The following NRXN3 variants were observed in gnomAD, a reference collection of about 807,000 sequenced individuals.
NRXN3 encodes the protein neurexin 3, also known as neurexin III.
In NRXN3, 32 loss-of-function variants were observed where a neutral mutation model predicts 137.6. That is an observed-to-expected ratio of 0.23 (90% CI 0.18 to 0.31). NRXN3 has a LOEUF of 0.31. NRXN3 is among the 10% of genes least tolerant of loss of function. NRXN3 has a pLI of 1.00. For synonymous variants in NRXN3, 798 were observed against 784.5 expected (o/e 1.02, Z -0.29); for missense variants, 1,574 against 2,062.5 (o/e 0.76, Z 4.59).
At chr14:78,915,380 G>GA (rs943169654) in intron 10 of NRXN3, among the ~76,000 whole-genome samples, 1 of 38,782 alleles carries the variant, frequency 2.6e-5, no homozygotes, top group Non-Finnish European at 5.6e-5. Flanking sequence ...AAACCACACA[G>GA]AAAAAAAACA....
rs543365093 is a variant in NRXN3, at chr14:78,716,078, G to C, written c.2044+939G>C. On this transcript the variant is annotated intron_variant, in intron 8 of 20. Transcript: ENST00000335750. Reference sequence around the variant, plus strand: ...GGTGGGGAGGAGGGGCATGAGAGGGGACCAAAGAGATGAGGGCTGACCCTG... The same window carrying C: ...GGTGGGGAGGAGGGGCATGAGAGGGCACCAAAGAGATGAGGGCTGACCCTG... 3.3e-5 allele frequency among the ~76,000 whole-genome samples: 5 copies of C among 152,204 alleles called. No homozygotes were observed. In the East Asian group the frequency reaches 9.7e-4, roughly 30 times the overall value.
At chr14:79,726,669 T>C (rs993446600) in intron 19 of NRXN3, among the ~76,000 whole-genome samples, 8 of 152,174 alleles carry the variant, frequency 5.3e-5, no homozygotes, top group African/African-American at 1.9e-4. Flanking sequence ...GGTACTATTA[T>C]TTCCCCAGTT....
intron 10 of NRXN3, among the ~76,000 whole-genome samples, chr14:78,846,451 C>T (rs200871024): frequency 6.6e-6 from 1 of 152,090 alleles, no homozygotes; most frequent in East Asian, 1.9e-4. Context: ...ATCTCTGCTG[C>T]TGTTATGGGA....
At chr14:79,087,130 T>C (rs1277163554) in intron 15 of NRXN3, among the ~76,000 whole-genome samples, 1 of 152,172 alleles carries the variant, frequency 6.6e-6, no homozygotes, top group Non-Finnish European at 1.5e-5. Context: ...CCTTGGAACA[T>C]GGGCCATACA....
chr14:79,117,009 A>G (rs912911268), intron 15 of NRXN3, among the ~76,000 whole-genome samples: 1 of 152,246 alleles, frequency 6.6e-6, no homozygotes, highest in Non-Finnish European at 1.5e-5. Context: ...AATAATTGAC[A>G]TACCTTTATC....
intron 16 of NRXN3, among the ~76,000 whole-genome samples, chr14:79,601,076 ACT>A (rs1166215538): frequency 8.9e-6 from 1 of 112,744 alleles, no homozygotes; most frequent in Non-Finnish European, 1.6e-5. Context: ...ATGGAGTCTC[ACT>A]CTGTCACCAC....
chr14:79,280,622 A>G (rs1275702674), intron 15 of NRXN3: 1 of 1,289,552 alleles, frequency 7.8e-7, no homozygotes, highest in African/African-American at 1.5e-5. Context: ...CAAAGGTGGG[A>G]AGGGAATTTA....
intron 15 of NRXN3, among the ~76,000 whole-genome samples, chr14:79,065,563 A>T (rs954067922): frequency 2.0e-5 from 3 of 152,122 alleles, no homozygotes; most frequent in African/African-American, 7.2e-5. Context: ...GCCACAAACC[A>T]GGTGGCTTAA....
At chr14:79,819,732 C>A (rs372565092) in intron 20 of NRXN3, among the ~76,000 whole-genome samples, 2 of 151,984 alleles carry the variant, frequency 1.3e-5, no homozygotes, top group Non-Finnish European at 2.9e-5. Context: ...ATTTGCCCCC[C>A]TCGGCCTCCC....
At chr14:79,384,008 C>T (rs1017954715) in intron 15 of NRXN3, among the ~76,000 whole-genome samples, 2 of 152,020 alleles carry the variant, frequency 1.3e-5, no homozygotes, top group Non-Finnish European at 2.9e-5. Flanking sequence ...CTCTTAGCTG[C>T]GAAATCAAGT....
At chr14:79,049,177 A>G (rs993456906) in intron 15 of NRXN3, among the ~76,000 whole-genome samples, 3 of 150,494 alleles carry the variant, frequency 2.0e-5, no homozygotes, top group Non-Finnish European at 4.4e-5. Flanking sequence ...GTTTGATAGC[A>G]TTTTACCCAA....
At chr14:78,369,214 A>G (rs1414056993) in intron 4 of NRXN3, among the ~76,000 whole-genome samples, 1 of 152,096 alleles carries the variant, frequency 6.6e-6, no homozygotes, top group Non-Finnish European at 1.5e-5. Context: ...GCTCAGAGAG[A>G]TTAAATCATA....
intron 15 of NRXN3, among the ~76,000 whole-genome samples, chr14:79,091,245 A>G (rs980278094): frequency 6.6e-6 from 1 of 152,086 alleles, no homozygotes; most frequent in African/African-American, 2.4e-5. Context: ...AAAAACTTTG[A>G]CCATGGAAAA....
Position 79,697,956 on chromosome 14 carries a change from A to G in NRXN3, c.4014+19A>G, listed in dbSNP as rs781015201. 1.9e-6 allele frequency: 3 copies of G among 1,596,100 alleles called. No homozygotes were observed. The highest frequency in any genetic ancestry group is 2.6e-6 in the Non-Finnish European group (3 of 1,165,870). ...CATTCAGGTAGGCCTTTTTCCAAGTATTAATTGCGTCTGTATTTTTATCTT... is the reference window on the plus strand; with the variant it reads ...CATTCAGGTAGGCCTTTTTCCAAGTGTTAATTGCGTCTGTATTTTTATCTT... On this transcript the variant is annotated intron_variant, in intron 19 of 20. Coordinates refer to ENST00000335750, the MANE Select transcript of NRXN3 (RefSeq NM_001330195.2).
intron 4 of NRXN3, among the ~76,000 whole-genome samples, chr14:78,565,227 C>A (rs2096826330): frequency 6.6e-6 from 1 of 152,108 alleles, no homozygotes. Context: ...CTTTTGGTGC[C>A]AATCTATTCA....
chr14:79,598,590 A>G (rs1202691198), intron 16 of NRXN3, among the ~76,000 whole-genome samples: 1 of 152,246 alleles, frequency 6.6e-6, no homozygotes, highest in African/African-American at 2.4e-5. Flanking sequence ...TCCGCTATCC[A>G]CAAAGCAGAG....
chr14:79,401,988 C>A (rs143679988), intron 15 of NRXN3, among the ~76,000 whole-genome samples: 70 of 152,274 alleles, frequency 4.6e-4, no homozygotes, highest in African/African-American at 1.6e-3. Flanking sequence ...ATGATCACAG[C>A]TCACTGAAGC....
chr14:78,891,465 G>A (rs530954057), intron 10 of NRXN3, among the ~76,000 whole-genome samples: 7 of 151,776 alleles, frequency 4.6e-5, no homozygotes, highest in African/African-American at 1.2e-4. Flanking sequence ...TGTGAGTAAC[G>A]TCTACAGTGA....
At chr14:79,711,918 T>C (rs190777090) in intron 19 of NRXN3, among the ~76,000 whole-genome samples, 14 of 152,238 alleles carry the variant, frequency 9.2e-5, no homozygotes, top group Admixed American at 1.3e-4. Flanking sequence ...GGAAGGGCCT[T>C]TTAGCTAGAG....
Sources: allele counts gnomAD v4.1 joint callset (sites outside exome capture counted in the v4.1 genomes callset), GRCh38; gene constraint gnomAD v4.1.1; transcripts MANE v1.5; gene names NCBI Gene and HGNC (gene_info 2026-07-23, HGNC 2026-07-21).